The following SNX32 variants were observed in gnomAD, a reference collection of about 807,000 sequenced individuals.
The protein encoded by SNX32 is sorting nexin-32.
SNX32 carries 58 observed loss-of-function variants against 57.0 expected under a neutral mutation model. The ratio of observed to expected loss-of-function variants is 1.02; its 90% CI spans 0.82 to 1.27. The LOEUF (loss-of-function observed/expected upper bound fraction) is 1.27. SNX32 is among the 50% of genes most tolerant of loss of function. The pLI, the probability that SNX32 is intolerant of heterozygous loss-of-function variation, is 0.00. For synonymous variants in SNX32, 262 were observed against 220.4 expected, an observed-to-expected ratio of 1.19 and a Z score of -1.67; for missense variants, 589 against 541.2, an observed-to-expected ratio of 1.09 and a Z score of -0.88.
At chr11:65,840,738 A>C (rs1052554182) in intron 1 of SNX32, among the ~76,000 whole-genome samples, 1 of 151,802 alleles carries the variant, frequency 6.6e-6, no homozygotes, top group African/African-American at 2.4e-5. Flanking sequence ...TGGGAGTTCA[A>C]GGCTGCCATG....
intron 1 of SNX32, among the ~76,000 whole-genome samples, chr11:65,839,971 C>T (rs1025797900): frequency 6.6e-6 from 1 of 151,900 alleles, no homozygotes; most frequent in African/African-American, 2.4e-5. Context: ...CCAGCCTCAA[C>T]ATGGAGAAAC....
Position 65,850,989 on chromosome 11 carries a change from T to C in SNX32, c.604-66T>C, listed in dbSNP as rs1360438252. On this transcript the variant is annotated intron_variant, in intron 6 of 12. Coordinates refer to ENST00000308342, the MANE Select transcript of SNX32 (RefSeq NM_152760.3). ...GTTTGGAAGGAGATTTTGCCAACCC[T>C]GGGTGCCTGTGTTGTCAAGCCCCGT... 4.6e-6 allele frequency: 7 copies of C among 1,527,756 alleles called. No individual in the cohort carries two copies. The East Asian group carries it at 6.7e-5, about 15-fold the overall frequency. 94.6% of individuals were successfully genotyped at this position (1,527,756 alleles called of 1,614,324 possible).
At chr11:65,851,452 G>A (rs749155768) in intron 8 of SNX32, 49 bp downstream of exon 8, 34 of 1,599,024 alleles carry the variant, frequency 2.1e-5, no homozygotes, top group Non-Finnish European at 2.7e-5. Context: ...GTAATACCAT[G>A]TCTTCCCATG....
chr11:65,851,659 G>T lies in SNX32; in HGVS notation c.805G>T (p.Glu269Ter), dbSNP rs1859201494. The T allele has an allele frequency of 6.2e-7, 1 of 1,614,018 alleles. No homozygotes were observed. Among genetic ancestry groups the T allele is most frequent in the Non-Finnish European group, 8.5e-7 (1 of 1,180,018 alleles). Reference sequence around the variant, plus strand: ...TCCTAGGAGCTTCCTCAAATTGGCAGAGCTCTTTGAACGGCTGAGGGTGAG... The same window carrying T: ...TCCTAGGAGCTTCCTCAAATTGGCATAGCTCTTTGAACGGCTGAGGGTGAG... ...QLRTSFLKLA[E>*]LFERLRKLEG... Residue 269 changes from glutamate to a stop codon, truncating the protein, a stop_gained, in exon 9 of 13, where the codon GAG (glutamate) becomes TAG (stop). Transcript: ENST00000308342. LOFTEE classifies it high-confidence loss of function.
intron 12 of SNX32, 51 bp from the exon 13 acceptor site, chr11:65,853,231 C>T (rs1859282009): frequency 2.7e-5 from 44 of 1,612,546 alleles, no homozygotes; most frequent in Non-Finnish European, 3.5e-5. Flanking sequence ...GAAAGAATGG[C>T]AGCCTGACTC....
chr11:65,845,867 G>A (rs1245082108), intron 1 of SNX32, among the ~76,000 whole-genome samples: 1 of 152,184 alleles, frequency 6.6e-6, no homozygotes, highest in Admixed American at 6.6e-5. Flanking sequence ...ATAAGACACA[G>A]CAATGAAAAT....
In SNX32 at chr11:65,851,403, C is replaced by T. The variant is rs761741429; in HGVS notation, c.785C>T (p.Thr262Met). 7 of 1,613,966 alleles carry T rather than the reference C, an allele frequency of 4.3e-6. No individual in the cohort carries two copies. Among genetic ancestry groups the T allele is most frequent in the South Asian group, 3.3e-5 (3 of 91,088 alleles). ...ACACAGGAAGTCAACCAGCTAAGGA[C>T]GTGAGGACTCCCCCCACCCCTACCC... is the stretch of plus-strand genomic sequence containing the variant. ...LGTQEVNQLRTSFLKLAELFE... is the reference protein window; with the variant it reads ...LGTQEVNQLRMSFLKLAELFE... The change falls in exon 8 of 13, where the codon ACG becomes ATG. Residue 262 changes from threonine to methionine, a missense_variant and splice_region_variant. Thr to Met is a moderately conservative substitution (Grantham distance 81). Coordinates refer to ENST00000308342, the MANE Select transcript of SNX32 (RefSeq NM_152760.3).
chr11:65,836,359 A>G (rs1379878776), intron 1 of SNX32, among the ~76,000 whole-genome samples: 1 of 152,184 alleles, frequency 6.6e-6, no homozygotes. Flanking sequence ...CCTGGCCAAC[A>G]TGGTGAAACC....
Position 65,850,805 on chromosome 11 carries a change from A to G in SNX32, c.553A>G (p.Ile185Val), listed in dbSNP as rs370923786. Residue 185 changes from isoleucine to valine, a missense_variant, in exon 6 of 13, where the codon ATT (isoleucine) becomes GTT (valine). By Grantham distance (29) the Ile-to-Val change is conservative. Transcript: ENST00000308342. The part of the protein sequence containing the change: ...KELLGGFLRN[I>V]VKSADEALIT... Reference sequence around the variant, plus strand: ...GCTCCTCGGAGGGTTTCTGAGGAATATTGTGAAGTCCGCGGATGAAGCCCT... The same window carrying G: ...GCTCCTCGGAGGGTTTCTGAGGAATGTTGTGAAGTCCGCGGATGAAGCCCT... The G allele has an allele frequency of 1.9e-6, 3 of 1,613,920 alleles. No individual in the cohort carries two copies. The African/African-American group carries it at 4.0e-5, about 22-fold the overall frequency.
In SNX32 at chr11:65,850,501, C is replaced by T. The variant is rs199527788; in HGVS notation, c.445C>T (p.Pro149Ser). ...CTTTCTGCAGCGCCTGGCGGCCCAC[C>T]CCACCCTGCGTCGAGACCACAACTT... ...EVFLQRLAAH[P>S]TLRRDHNFFV... The change falls in exon 5 of 13, where the codon CCC becomes TCC. Residue 149 changes from proline to serine, a missense_variant. Transcript: ENST00000308342. 1.1e-5 allele frequency: 17 copies of T among 1,613,992 alleles called. No homozygotes were observed. In the Admixed American group the frequency reaches 2.2e-4, roughly 21 times the overall value.
chr11:65,852,877 C>T lies in SNX32; in HGVS notation c.1077C>T (p.Leu359=). The T allele has an allele frequency of 6.2e-7, 1 of 1,614,176 alleles. No individual in the cohort carries two copies. Among genetic ancestry groups the T allele is most frequent in the Non-Finnish European group, 8.5e-7 (1 of 1,179,988 alleles). The change falls in exon 12 of 13, where the codon CTC becomes CTT. Residue 359 remains leucine (L), a synonymous_variant. Transcript: ENST00000308342. ...GCCTCTTCCCCTCCTCTCCAGAGCT[C>T]ATGGACTTCAAGTCCCGCCGGGTCT... ...ERLSDSAKQE[L]MDFKSRRVSS... is the part of the protein sequence containing the mutation.
intron 1 of SNX32, among the ~76,000 whole-genome samples, chr11:65,839,689 C>T (rs979654155): frequency 9.4e-5 from 14 of 148,588 alleles, no homozygotes; most frequent in Non-Finnish European, 1.9e-4. Flanking sequence ...ACCATGATCA[C>T]ACCACTGCAC....
At chr11:65,850,087 C>T (rs746215284) in intron 3 of SNX32, 57 bp downstream of exon 3, 317 of 1,614,078 alleles carry the variant, frequency 2.0e-4, no homozygotes, top group Non-Finnish European at 2.6e-4. Context: ...GGGTGAGGAC[C>T]AAAGGCTGTG....
At position 65,850,222 on chromosome 11, in the gene SNX32, A is replaced by G. The variant is rs1859130858; in HGVS notation, c.325A>G (p.Ser109Gly). The stretch of plus-strand genomic sequence containing the variant: ...GCTACAGAAATTGGGCGAGGGGGAC[A>G]GCTCTGTCACTCGGGAAGAGTTTGC... The part of the protein sequence containing the change: ...EKLQKLGEGD[S>G]SVTREEFAKM... The change falls in exon 4 of 13, where the codon AGC becomes GGC. Residue 109 changes from serine to glycine, a missense_variant. Physicochemically the swap from Ser to Gly is moderately conservative, Grantham distance 56. Coordinates refer to ENST00000308342, the MANE Select transcript of SNX32 (RefSeq NM_152760.3). The G allele has an allele frequency of 1.9e-6, 3 of 1,614,126 alleles. No homozygotes were observed. Among genetic ancestry groups the G allele is most frequent in the Non-Finnish European group, 2.5e-6 (3 of 1,180,040 alleles).
intron 1 of SNX32, among the ~76,000 whole-genome samples, chr11:65,849,083 G>A (rs1859082914): frequency 6.6e-6 from 1 of 152,198 alleles, no homozygotes; most frequent in Non-Finnish European, 1.5e-5. Flanking sequence ...GGTGGAGGTT[G>A]CAGTGAGCTG....
rs201118575 is a variant in SNX32 at position 65,851,382 on chromosome 11, A to C, written c.764A>C (p.Gln255Pro). 8 of 1,614,156 alleles carry C rather than the reference A, an allele frequency of 5.0e-6. No homozygotes were observed. In the East Asian group the frequency reaches 1.8e-4, roughly 36 times the overall value. ...ISAALSSLGT[Q>P]EVNQLRTSFL... ...GCTGCGCTGAGCAGTCTGGGAACAC[A>C]GGAAGTCAACCAGCTAAGGACGTGA... is the stretch of plus-strand genomic sequence containing the variant. The change falls in exon 8 of 13, where the codon CAG becomes CCG. Residue 255 changes from glutamine (Q) to proline (P), a missense_variant. By Grantham distance (76) the Gln-to-Pro change is moderately conservative. Coordinates refer to ENST00000308342, the MANE Select transcript of SNX32 (RefSeq NM_152760.3).
chr11:65,853,187 G>A, intron 12 of SNX32, 95 bp from the exon 13 acceptor site: 3 of 1,543,512 alleles, frequency 1.9e-6, no homozygotes, highest in Non-Finnish European at 2.7e-6. Flanking sequence ...GCAGAGAGCA[G>A]GGGTGTGGGG....
At chr11:65,841,224 C>T (rs559250131) in intron 1 of SNX32, among the ~76,000 whole-genome samples, 2 of 150,170 alleles carry the variant, frequency 1.3e-5, no homozygotes, top group African/African-American at 4.9e-5. Flanking sequence ...TGAGCCACCT[C>T]GCCTGGACTT....
chr11:65,852,421 C>T (rs753293769), intron 9 of SNX32, 44 bp from the exon 10 acceptor site: 2 of 1,551,500 alleles, frequency 1.3e-6, no homozygotes, highest in African/African-American at 2.7e-5. Flanking sequence ...CCTTAGCTGC[C>T]CCTCTGACAA....
Sources: allele counts gnomAD v4.1 joint callset (sites outside exome capture counted in the v4.1 genomes callset), GRCh38; gene constraint gnomAD v4.1.1; transcripts MANE v1.5; gene names NCBI Gene and HGNC (gene_info 2026-07-23, HGNC 2026-07-21).